Variants in VWC2L observed in about 807,000 individuals in gnomAD.
The protein encoded by VWC2L is von Willebrand factor C domain containing 2 like.
A neutral mutation model predicts 21.6 loss-of-function variants in VWC2L; 10 were observed. That is an observed-to-expected ratio of 0.46 (90% CI 0.29 to 0.78). The LOEUF (loss-of-function observed/expected upper bound fraction) is 0.78. Ranked by LOEUF, VWC2L falls within the 30% of genes least tolerant of loss-of-function variation. The pLI is 0.10. For missense variants in VWC2L, 209 were observed against 277.1 expected (o/e 0.75, Z 1.74); for synonymous variants, 96 against 94.3 (o/e 1.02, Z -0.10).
intron 2 of VWC2L, among the ~76,000 whole-genome samples, chr2:214,415,421 T>G (rs1702340287): frequency 6.6e-6 from 1 of 152,164 alleles, no homozygotes; most frequent in Admixed American, 6.6e-5. Context: ...CTGGAGTGTC[T>G]GTCATACTGA....
intron 3 of VWC2L, among the ~76,000 whole-genome samples, chr2:214,575,298 T>C (rs1315245797): frequency 1.3e-5 from 2 of 152,150 alleles, no homozygotes; most frequent in Admixed American, 6.5e-5. Flanking sequence ...AGGCCGACCA[T>C]GTCAGCCCTC....
intron 3 of VWC2L, among the ~76,000 whole-genome samples, chr2:214,477,825 G>T (rs35265298): frequency 0.34 from 52,209 of 152,174 alleles, 10,383 homozygotes; most frequent in South Asian, 0.48. Flanking sequence ...AATATTAAGA[G>T]AATTCTTTTG....
intron 3 of VWC2L, among the ~76,000 whole-genome samples, chr2:214,499,785 T>C (rs1688865897): frequency 6.6e-6 from 1 of 152,268 alleles, no homozygotes; most frequent in South Asian, 2.1e-4. Flanking sequence ...CAAATGTGCA[T>C]TAGCTTTGCC....
chr2:214,528,809 C>T (rs1689385042), intron 3 of VWC2L, among the ~76,000 whole-genome samples: 2 of 152,144 alleles, frequency 1.3e-5, no homozygotes, highest in Non-Finnish European at 2.9e-5. Flanking sequence ...TCTTGCACTC[C>T]TCAGCCACAC....
intron 3 of VWC2L, among the ~76,000 whole-genome samples, chr2:214,449,564 T>G (rs1410705047): frequency 6.6e-6 from 1 of 152,196 alleles, no homozygotes; most frequent in Non-Finnish European, 1.5e-5. Flanking sequence ...CAATACCTCT[T>G]TTGACACACA....
chr2:214,427,149 A>T (rs1174504773), intron 2 of VWC2L, among the ~76,000 whole-genome samples: 1 of 152,174 alleles, frequency 6.6e-6, no homozygotes, highest in African/African-American at 2.4e-5. Flanking sequence ...AGAAATGCAC[A>T]CTCTCTAATA....
At chr2:214,459,465 T>C (rs1171756698) in intron 3 of VWC2L, among the ~76,000 whole-genome samples, 2 of 152,248 alleles carry the variant, frequency 1.3e-5, no homozygotes, top group Admixed American at 6.5e-5. Context: ...TGTTCCTTTC[T>C]TCCCTCTTAT....
At chr2:214,540,246 T>C (rs1574626081) in intron 3 of VWC2L, among the ~76,000 whole-genome samples, 1 of 152,164 alleles carries the variant, frequency 6.6e-6, no homozygotes, top group African/African-American at 2.4e-5. Context: ...ATTTAACTTT[T>C]ATCGAGTATT....
rs1297584616 is a variant in VWC2L at position 214,576,287 on chromosome 2, A to T, written c.*467A>T. The T allele has an allele frequency of 6.6e-6, 1 of 152,184 alleles. No homozygotes were observed. The highest frequency in any genetic ancestry group is 1.5e-5 in the Non-Finnish European group (1 of 68,078). 9.4% of individuals were successfully genotyped at this position (152,184 alleles called of 1,614,324 possible). On this transcript the variant is annotated 3_prime_UTR_variant, in exon 4 of 4. Transcript: ENST00000312504. Reference sequence around the variant, plus strand: ...ACAGTAAAGTTTTGAGTTGTGTAAAAAAAAAAGTTTGGTAAAGGAATGTCA... The same window carrying T: ...ACAGTAAAGTTTTGAGTTGTGTAAATAAAAAAGTTTGGTAAAGGAATGTCA...
chr2:214,498,180 A>G (rs1390991749), intron 3 of VWC2L, among the ~76,000 whole-genome samples: 3 of 152,166 alleles, frequency 2.0e-5, no homozygotes, highest in African/African-American at 7.2e-5. Flanking sequence ...CCACCTTTGC[A>G]TGGCACTAAC....
intron 3 of VWC2L, among the ~76,000 whole-genome samples, chr2:214,547,425 T>C (rs746705843): frequency 1.3e-5 from 2 of 152,106 alleles, no homozygotes; most frequent in Non-Finnish European, 2.9e-5. Context: ...CAGTGCAAGG[T>C]AAAATTTACT....
intron 3 of VWC2L, chr2:214,533,954 T>C (rs1264775841): frequency 6.6e-6 from 1 of 152,582 alleles, no homozygotes; most frequent in Non-Finnish European, 1.5e-5. Context: ...ATAAAATGGA[T>C]GGAAACGCTT....
At chr2:214,520,553 A>G (rs1689221298) in intron 3 of VWC2L, among the ~76,000 whole-genome samples, 1 of 152,168 alleles carries the variant, frequency 6.6e-6, no homozygotes, top group Non-Finnish European at 1.5e-5. Context: ...TCAAAAGGTA[A>G]AAGAATTCTA....
chr2:214,506,298 A>G (rs1688967116), intron 3 of VWC2L, among the ~76,000 whole-genome samples: 1 of 152,186 alleles, frequency 6.6e-6, no homozygotes, highest in Non-Finnish European at 1.5e-5. Context: ...CTATAAAATA[A>G]TACAAAAATA....
rs897874258 is a variant in VWC2L at position 214,498,742 on chromosome 2, TTA to T, written c.520+61988_520+61989del. On this transcript the variant is annotated intron_variant, in intron 3 of 3. Coordinates refer to ENST00000312504, the MANE Select transcript of VWC2L (RefSeq NM_001080500.4). ...GTATATATTATACATATACATATTT[TTA>T]TATGTGTATATATATTATACATACA... Among the ~76,000 whole-genome samples, 233 of 148,450 alleles carry T rather than the reference TTA, an allele frequency of 1.6e-3. 1 individual carries two copies. The highest frequency in any genetic ancestry group is 5.3e-3 in the African/African-American group (217 of 40,834).
At chr2:214,436,522 C>G in intron 2 of VWC2L, 107 bp from the exon 3 acceptor site, 1 of 1,371,744 alleles carries the variant, frequency 7.3e-7, no homozygotes, top group Non-Finnish European at 1.0e-6. Context: ...GGAATTAATA[C>G]AGTAAAGCCA....
At chr2:214,518,940 C>T (rs1394693944) in intron 3 of VWC2L, among the ~76,000 whole-genome samples, 1 of 152,150 alleles carries the variant, frequency 6.6e-6, no homozygotes, top group Non-Finnish European at 1.5e-5. Context: ...CATCAAAGAG[C>T]ATATTTGATC....
At chr2:214,463,848 T>C (rs1045563286) in intron 3 of VWC2L, among the ~76,000 whole-genome samples, 3 of 152,138 alleles carry the variant, frequency 2.0e-5, no homozygotes, top group Admixed American at 6.5e-5. Flanking sequence ...TTTTTTATTC[T>C]TTTTTCTTTT....
Position 214,447,816 on chromosome 2 carries a change from G to T in VWC2L, c.520+11058G>T, listed in dbSNP as rs575533479. Among the ~76,000 whole-genome samples the T allele has an allele frequency of 2.6e-5, 4 of 152,136 alleles. No homozygotes were observed. In the South Asian group the frequency reaches 8.3e-4, roughly 32 times the overall value. ...TCCGTCTAAACCTTCTTGGGCTCTT[G>T]CATCTCCACGTCATTGTTGAAGAAG... is the stretch of plus-strand genomic sequence containing the variant. On this transcript the variant is annotated intron_variant, in intron 3 of 3. Coordinates refer to ENST00000312504, the MANE Select transcript of VWC2L (RefSeq NM_001080500.4).
Sources: allele counts gnomAD v4.1 joint callset (sites outside exome capture counted in the v4.1 genomes callset), GRCh38; gene constraint gnomAD v4.1.1; transcripts MANE v1.5; gene names NCBI Gene and HGNC (gene_info 2026-07-23, HGNC 2026-07-21).